SERPINB11: variants seen among roughly 807,000 people sequenced by gnomAD.
The protein encoded by SERPINB11 is serpin family B member 11.
SERPINB11 carries 32 observed loss-of-function variants against 36.7 expected under a neutral mutation model. The ratio of observed to expected loss-of-function variants is 0.87; its 90% CI spans 0.66 to 1.17. The LOEUF (loss-of-function observed/expected upper bound fraction) is 1.17. SERPINB11 is among the 50% of genes most tolerant of loss of function. The probability of loss-of-function intolerance (pLI) is 0.00; values close to 1 mark genes in which losing one functional copy is unlikely to be tolerated. For missense variants in SERPINB11, 528 were observed against 458.4 expected (o/e 1.15, Z -1.39); for synonymous variants, 174 against 168.1 (o/e 1.04, Z -0.27).
At chr18:63,711,185 A>T (rs1938463757) in intron 2 of SERPINB11, 150 bp from the exon 3 acceptor site, 3 of 648,886 alleles carry the variant, frequency 4.6e-6, no homozygotes, top group Non-Finnish European at 8.1e-6. Context: ...ATATGTAAAG[A>T]CTTAGTTCAG....
rs2144550923 is a variant in SERPINB11, at chr18:63,720,970, T to C, written c.758T>C (p.Ile253Thr). The change falls in exon 7 of 8, where the codon ATA becomes ACA. Residue 253 changes from isoleucine to threonine, a missense_variant. By Grantham distance (89) the Ile-to-Thr change is moderately conservative (BLOSUM62 -1). Transcript: ENST00000544088. The part of the protein sequence containing the change: ...LSMIILLPVG[I>T]ANLKQIEKQL... ...ATGATTATTCTGCTTCCAGTAGGCA[T>C]AGCTAATCTGAAACAGGTAAAATTA... 2 of 1,608,796 alleles carry C rather than the reference T, an allele frequency of 1.2e-6. No individual in the cohort carries two copies. Among genetic ancestry groups the C allele is most frequent in the East Asian group, 2.2e-5 (1 of 44,798 alleles).
intron 4 of SERPINB11, 129 bp downstream of exon 4, chr18:63,712,822 C>T: frequency 9.6e-7 from 1 of 1,038,550 alleles, no homozygotes; most frequent in Non-Finnish European, 1.4e-6. Flanking sequence ...TGCTAACTTA[C>T]AGTTTCAGTG....
chr18:63,703,807 C>A (rs761983454), intron 1 of SERPINB11, among the ~76,000 whole-genome samples: 12 of 152,204 alleles, frequency 7.9e-5, no homozygotes, highest in Non-Finnish European at 1.3e-4. Flanking sequence ...GTCAGTATCC[C>A]TTCAGATAAG....
At chr18:63,703,352 A>T (rs937101444) in intron 1 of SERPINB11, among the ~76,000 whole-genome samples, 2 of 152,228 alleles carry the variant, frequency 1.3e-5, no homozygotes, top group African/African-American at 4.8e-5. Flanking sequence ...CACACTTCTT[A>T]GCTCCTTAGA....
rs1416715701 is a variant in SERPINB11 at position 63,723,375 on chromosome 18, C to T, written c.1155C>T (p.Phe385=). 1 of 1,607,806 alleles carries T rather than the reference C, an allele frequency of 6.2e-7. No individual in the cohort carries two copies. The highest frequency in any genetic ancestry group is 1.7e-5 in the Admixed American group (1 of 59,668). The change falls in exon 8 of 8, where the codon TTC becomes TTT. Residue 385 remains phenylalanine (F), a synonymous_variant. Transcript: ENST00000544088. ...ACACTCATACCAACACGATCCTATTCTGTGGCAAGCTTGCCTCTCCCTAAT... is the reference window on the plus strand; with the variant it reads ...ACACTCATACCAACACGATCCTATTTTGTGGCAAGCTTGCCTCTCCCTAAT... ...IRHTHTNTIL[F]CGKLASP
chr18:63,721,721 T>C (rs1406390429), intron 7 of SERPINB11, among the ~76,000 whole-genome samples: 1 of 151,950 alleles, frequency 6.6e-6, no homozygotes, highest in East Asian at 1.9e-4. Flanking sequence ...GCAAAGTGTG[T>C]GTGTGTCGGG....
chr18:63,714,400 GTT>G (rs1476952439), intron 4 of SERPINB11, among the ~76,000 whole-genome samples: 1 of 152,132 alleles, frequency 6.6e-6, no homozygotes, highest in Admixed American at 6.6e-5. Flanking sequence ...AGGAGGCAGG[GTT>G]TGAGAGCAGA....
chr18:63,715,072 G>A (rs867893617), intron 4 of SERPINB11, among the ~76,000 whole-genome samples: 17 of 152,256 alleles, frequency 1.1e-4, no homozygotes, highest in East Asian at 5.8e-4. Context: ...CAGTCCCTCC[G>A]TTCGGGGTCC....
chr18:63,723,531 C>T lies in SERPINB11; in HGVS notation c.*132C>T. 2.6e-6 allele frequency: 2 copies of T among 763,004 alleles called. No homozygotes were observed. The highest frequency in any genetic ancestry group is 4.2e-6 in the Non-Finnish European group (2 of 478,836). The allele number at this position is 763,004 out of a possible 1,614,324, so 47.3% of individuals were successfully genotyped here. Reference sequence around the variant, plus strand: ...CAGTTTGCTCATCTGCAAAATAGGTCTAGGATTTCTTCCAACCATTTCATG... The same window carrying T: ...CAGTTTGCTCATCTGCAAAATAGGTTTAGGATTTCTTCCAACCATTTCATG... On this transcript the variant is annotated 3_prime_UTR_variant, in exon 8 of 8. Transcript: ENST00000544088.
intron 7 of SERPINB11, among the ~76,000 whole-genome samples, chr18:63,721,865 G>A (rs1360578242): frequency 6.6e-6 from 1 of 152,242 alleles, no homozygotes; most frequent in African/African-American, 2.4e-5. Context: ...GCTTACGGTT[G>A]TGGTTAAGTC....
At chr18:63,720,285 T>G (rs1914773629) in intron 6 of SERPINB11, 130 bp downstream of exon 6, 2 of 812,900 alleles carry the variant, frequency 2.5e-6, no homozygotes, top group Non-Finnish European at 3.8e-6. Flanking sequence ...TTTATTGTAT[T>G]TTCTACAGAT....
intron 1 of SERPINB11, among the ~76,000 whole-genome samples, chr18:63,703,689 C>G (rs897517877): frequency 3.9e-5 from 6 of 152,178 alleles, no homozygotes; most frequent in Admixed American, 2.0e-4. Flanking sequence ...GAAGAATGTA[C>G]ACAGGGTATG....
Position 63,710,197 on chromosome 18 carries a change from G to C in SERPINB11, c.4G>C (p.Gly2Arg), listed in dbSNP as rs748187061. M[G>R]SLSTANVEFC... The stretch of plus-strand genomic sequence containing the variant: ...TTCTCAGGCAGTCGGCATAAAAATG[G>C]GTTCTCTCAGCACAGCTAACGTTGA... The change falls in exon 2 of 8, where the codon GGT becomes CGT. Residue 2 changes from glycine to arginine, a missense_variant. Physicochemically the swap from Gly to Arg is moderately radical, Grantham distance 125. Transcript: ENST00000544088. 6.2e-6 allele frequency: 10 copies of C among 1,602,790 alleles called. No homozygotes were observed. The highest frequency in any genetic ancestry group is 5.2e-5 in the Admixed American group (3 of 58,162).
intron 1 of SERPINB11, among the ~76,000 whole-genome samples, chr18:63,707,509 C>T (rs1406776927): frequency 6.6e-6 from 1 of 152,304 alleles, no homozygotes; most frequent in Admixed American, 6.5e-5. Context: ...ATTTATCTTT[C>T]AGGTGTTTGA....
At chr18:63,712,541 A>G in intron 3 of SERPINB11, 24 bp from the exon 4 acceptor site, 1 of 1,613,138 alleles carries the variant, frequency 6.2e-7, no homozygotes, top group Non-Finnish European at 8.5e-7. Flanking sequence ...TTAATACATC[A>G]TTCTTTGTTT....
intron 7 of SERPINB11, among the ~76,000 whole-genome samples, chr18:63,721,914 A>T (rs1914825198): frequency 1.3e-5 from 2 of 152,312 alleles, no homozygotes; most frequent in South Asian, 4.2e-4. Context: ...GGTTGACTGG[A>T]GTGAAAGACA....
In SERPINB11 at chr18:63,716,155, A is replaced by T; in HGVS notation, c.475+3A>T. ...TTGGGTTGAAAATAAAACTAATGGTAAGGATAAGTCAATATGTGTCTCTAA... is the reference window on the plus strand; with the variant it reads ...TTGGGTTGAAAATAAAACTAATGGTTAGGATAAGTCAATATGTGTCTCTAA... On this transcript the variant is annotated splice_donor_region_variant and intron_variant, in intron 5 of 7. Transcript: ENST00000544088. 6.4e-7 allele frequency: 1 copy of T among 1,552,062 alleles called. No individual in the cohort carries two copies. The highest frequency in any genetic ancestry group is 8.9e-7 in the Non-Finnish European group (1 of 1,128,272).
At chr18:63,703,721 TG>T (rs1914298474) in intron 1 of SERPINB11, among the ~76,000 whole-genome samples, 1 of 152,296 alleles carries the variant, frequency 6.6e-6, no homozygotes, top group East Asian at 1.9e-4. Flanking sequence ...AAGATACTGG[TG>T]TCTTAGCCAC....
chr18:63,712,762 T>C, intron 4 of SERPINB11, 69 bp downstream of exon 4: 5 of 1,522,874 alleles, frequency 3.3e-6, no homozygotes, highest in Non-Finnish European at 4.5e-6. Flanking sequence ...CCAAAATTGA[T>C]GAAGAGTGAG....
Sources: allele counts gnomAD v4.1 joint callset (sites outside exome capture counted in the v4.1 genomes callset), GRCh38; gene constraint gnomAD v4.1.1; transcripts MANE v1.5; gene names NCBI Gene and HGNC (gene_info 2026-07-23, HGNC 2026-07-21).